Variants in ANKRD44 observed in about 807,000 individuals in gnomAD.
The protein encoded by ANKRD44 is serine/threonine-protein phosphatase 6 regulatory ankyrin repeat subunit B.
ANKRD44 carries 35 observed loss-of-function variants against 116.0 expected under a neutral mutation model. The ratio of observed to expected loss-of-function variants is 0.30; its 90% CI spans 0.23 to 0.40. ANKRD44 has a LOEUF of 0.40. Among genes scored for constraint, ANKRD44 ranks in the 10% least tolerant of loss-of-function variants. The probability of loss-of-function intolerance (pLI) is 1.00; values close to 1 mark genes in which losing one functional copy is unlikely to be tolerated. For missense variants in ANKRD44, 1,014 were observed against 1,242.6 expected, an observed-to-expected ratio of 0.82 and a Z score of 2.77; for synonymous variants, 435 against 461.8, an observed-to-expected ratio of 0.94 and a Z score of 0.74.
At chr2:197,306,767 C>T (rs767018017) in intron 1 of ANKRD44, among the ~76,000 whole-genome samples, 1 of 152,186 alleles carries the variant, frequency 6.6e-6, no homozygotes, top group Non-Finnish European at 1.5e-5. Flanking sequence ...ACTGCCACCG[C>T]TGCCAGCCAC....
chr2:197,072,954 T>A (rs2077592088), intron 16 of ANKRD44, among the ~76,000 whole-genome samples: 1 of 152,224 alleles, frequency 6.6e-6, no homozygotes. Flanking sequence ...CATAACTTCA[T>A]GTCAGCAATC....
chr2:197,269,326 C>T (rs1358767348), intron 1 of ANKRD44, among the ~76,000 whole-genome samples: 2 of 152,108 alleles, frequency 1.3e-5, no homozygotes, highest in Admixed American at 1.3e-4. Context: ...TAATGGAGAT[C>T]CACTAAGAGA....
intron 16 of ANKRD44, among the ~76,000 whole-genome samples, chr2:197,032,988 A>C (rs1003322198): frequency 1.3e-5 from 2 of 152,182 alleles, no homozygotes; most frequent in African/African-American, 4.8e-5. Flanking sequence ...TCTCAGTTTT[A>C]ATGCTGCTGG....
At chr2:197,214,778 G>C (rs144756665) in intron 1 of ANKRD44, among the ~76,000 whole-genome samples, 1 of 152,340 alleles carries the variant, frequency 6.6e-6, no homozygotes, top group African/African-American at 2.4e-5. Flanking sequence ...CAGAAGCAAA[G>C]TCTTGAATTG....
At chr2:197,196,115 A>G (rs904088802) in intron 1 of ANKRD44, among the ~76,000 whole-genome samples, 4 of 152,204 alleles carry the variant, frequency 2.6e-5, no homozygotes. Flanking sequence ...ATTGGTATAG[A>G]GGTTTTATTT....
intron 1 of ANKRD44, among the ~76,000 whole-genome samples, chr2:197,276,182 G>A (rs950047224): frequency 2.0e-5 from 3 of 150,792 alleles, no homozygotes; most frequent in East Asian, 2.0e-4. Flanking sequence ...GGCTGAAGCA[G>A]GAGAATCACT....
chr2:197,199,024 T>C (rs1033726607), intron 1 of ANKRD44: 1 of 152,190 alleles, frequency 6.6e-6, no homozygotes, highest in Non-Finnish European at 1.5e-5. Context: ...TCCTTCTCTC[T>C]TGTGGCTTGC....
At chr2:197,092,872 C>T (rs547159043) in intron 10 of ANKRD44, among the ~76,000 whole-genome samples, 121 of 151,830 alleles carry the variant, frequency 8.0e-4, no homozygotes, top group Non-Finnish European at 1.5e-3. Context: ...CAATGCATAA[C>T]ATGTTTTAAA....
intron 16 of ANKRD44, among the ~76,000 whole-genome samples, chr2:197,041,411 G>GTC (rs145608413): frequency 2.6e-5 from 4 of 151,276 alleles, no homozygotes; most frequent in African/African-American, 7.3e-5. Flanking sequence ...CTGGGCATCT[G>GTC]TCTCTCTCTC....
intron 1 of ANKRD44, among the ~76,000 whole-genome samples, chr2:197,195,923 C>T (rs2080938082): frequency 6.6e-6 from 1 of 152,212 alleles, no homozygotes; most frequent in South Asian, 2.1e-4. Context: ...GAGATCAAAC[C>T]TAAACTTTAG....
chr2:197,294,049 C>G (rs1415629838), intron 1 of ANKRD44, among the ~76,000 whole-genome samples: 1 of 152,172 alleles, frequency 6.6e-6, no homozygotes, highest in Non-Finnish European at 1.5e-5. Context: ...TAACAATCAA[C>G]AAGCAAAGTA....
chr2:197,019,332 C>A (rs1374521537), intron 17 of ANKRD44, among the ~76,000 whole-genome samples: 1 of 152,196 alleles, frequency 6.6e-6, no homozygotes, highest in African/African-American at 2.4e-5. Context: ...GCTTGTTATG[C>A]AAACCATAGC....
chr2:197,120,871 G>A (rs773468083), intron 8 of ANKRD44, among the ~76,000 whole-genome samples: 7 of 151,896 alleles, frequency 4.6e-5, no homozygotes, highest in Non-Finnish European at 8.8e-5. Flanking sequence ...AAGAACACAC[G>A]GCTGGAGCCT....
chr2:197,196,113 A>G (rs2080942279), intron 1 of ANKRD44, among the ~76,000 whole-genome samples: 1 of 152,348 alleles, frequency 6.6e-6, no homozygotes, highest in East Asian at 1.9e-4. Flanking sequence ...AAATTGGTAT[A>G]GAGGTTTTAT....
rs189696937 is a variant in ANKRD44, at chr2:197,284,851, A to C, written c.27+25727T>G. Among the ~76,000 whole-genome samples, 286 of 150,948 alleles carry C rather than the reference A, an allele frequency of 1.9e-3. 2 individuals carry two copies. The highest frequency in any genetic ancestry group is 0.01 in the Middle Eastern group (3 of 294). ...CAGTGGGCCGAGATTACACCACTGT[A>C]CCCCAGCCTGGGCAACAGAGCAAGA... On this transcript the variant is annotated intron_variant, in intron 1 of 27. Coordinates refer to ENST00000282272, the MANE Select transcript of ANKRD44 (RefSeq NM_001195144.2).
chr2:197,001,991 C>A, intron 21 of ANKRD44, 151 bp from the exon 22 acceptor site: 1 of 609,008 alleles, frequency 1.6e-6, no homozygotes. Flanking sequence ...TAACAAAATG[C>A]CAAAATGTTA....
intron 4 of ANKRD44, among the ~76,000 whole-genome samples, chr2:197,133,447 A>G (rs1465549796): frequency 3.9e-5 from 6 of 152,168 alleles, no homozygotes; most frequent in Non-Finnish European, 7.3e-5. Context: ...TATAATAAAT[A>G]TCTTGCTCTG....
chr2:197,125,723 G>T, intron 5 of ANKRD44, 114 bp downstream of exon 5: 3 of 1,202,736 alleles, frequency 2.5e-6, no homozygotes, highest in Non-Finnish European at 3.6e-6. Flanking sequence ...CTGAAGGTTT[G>T]GTGTACAAAT....
chr2:197,267,455 T>C (rs2082770600), intron 1 of ANKRD44, among the ~76,000 whole-genome samples: 1 of 152,234 alleles, frequency 6.6e-6, no homozygotes, highest in Non-Finnish European at 1.5e-5. Context: ...TACCTGCCTC[T>C]GAGGGCCTAA....
Sources: gnomAD v4.1 joint callset for allele counts (sites outside exome capture counted in the v4.1 genomes callset) on GRCh38, gnomAD v4.1.1 for gene constraint, MANE v1.5 for transcripts, NCBI Gene and HGNC (gene_info 2026-07-23, HGNC 2026-07-21) for gene names.